PCDH9: variants seen among roughly 807,000 people sequenced by gnomAD.
The protein encoded by PCDH9 is protocadherin-9.
In PCDH9, 24 loss-of-function variants were observed where a neutral mutation model predicts 70.6. The observed-to-expected ratio is 0.34, with a 90% CI of 0.25 to 0.48. PCDH9 has a LOEUF of 0.48. Ranked by LOEUF, PCDH9 falls within the 20% of genes least tolerant of loss-of-function variation. The pLI is 0.99. For synonymous variants in PCDH9, 562 were observed against 558.5 expected (o/e 1.01, Z -0.09); for missense variants, 1,281 against 1,503.6 (o/e 0.85, Z 2.45).
intron 4 of PCDH9, among the ~76,000 whole-genome samples, chr13:66,577,794 A>G (rs1276419918): frequency 6.6e-6 from 1 of 152,058 alleles, no homozygotes; most frequent in African/African-American, 2.4e-5. Flanking sequence ...ACTTTGACTG[A>G]GGATTCAGAT....
At chr13:66,547,395 C>G (rs1961255951) in intron 4 of PCDH9, among the ~76,000 whole-genome samples, 1 of 152,164 alleles carries the variant, frequency 6.6e-6, no homozygotes, top group African/African-American at 2.4e-5. Context: ...TCAACAGAGT[C>G]TATAAGGCAA....
chr13:67,195,180 C>G (rs938679081), intron 2 of PCDH9, among the ~76,000 whole-genome samples: 5 of 150,838 alleles, frequency 3.3e-5, no homozygotes, highest in Admixed American at 6.6e-5. Context: ...GAGTCTCGCT[C>G]TTTCGCCCAG....
chr13:67,110,242 G>A lies in PCDH9; in HGVS notation c.3036+115163C>T, dbSNP rs1276653334. Among the ~76,000 whole-genome samples the A allele has an allele frequency of 5.3e-5, 8 of 151,620 alleles. No homozygotes were observed. In the East Asian group the frequency reaches 1.2e-3, roughly 22 times the overall value. On this transcript the variant is annotated intron_variant, in intron 2 of 4. Coordinates refer to ENST00000377865, the MANE Select transcript of PCDH9 (RefSeq NM_203487.3). ...AAAACAAAAAAAGAGAGAGAGATAC[G>A]GCCGGGTGCAGTGGCTGACACCTGT...
intron 2 of PCDH9, among the ~76,000 whole-genome samples, chr13:66,961,108 A>G (rs767586597): frequency 6.6e-6 from 1 of 152,194 alleles, no homozygotes; most frequent in African/African-American, 2.4e-5. Context: ...TACCATGTCT[A>G]TTTTTTAAAA....
At chr13:66,806,703 A>T (rs1047063697) in intron 3 of PCDH9, among the ~76,000 whole-genome samples, 2 of 152,180 alleles carry the variant, frequency 1.3e-5, no homozygotes, top group Non-Finnish European at 2.9e-5. Flanking sequence ...TAAGTTCGGT[A>T]TGTAAAATTG....
At chr13:67,145,371 AT>A (rs987785846) in intron 2 of PCDH9, among the ~76,000 whole-genome samples, 1 of 151,736 alleles carries the variant, frequency 6.6e-6, no homozygotes, top group Non-Finnish European at 1.5e-5. Flanking sequence ...ACCTTGTCAA[AT>A]TTTTTTTGTT....
At chr13:66,629,218 AG>A (rs2077538059) in intron 4 of PCDH9, among the ~76,000 whole-genome samples, 1 of 152,222 alleles carries the variant, frequency 6.6e-6, no homozygotes. Context: ...TAAACTCTAT[AG>A]ACAAGTCCTA....
At chr13:66,653,286 T>C (rs1328396170) in intron 3 of PCDH9, among the ~76,000 whole-genome samples, 1 of 152,074 alleles carries the variant, frequency 6.6e-6, no homozygotes, top group Non-Finnish European at 1.5e-5. Context: ...AACCAGACTA[T>C]ATAAGGAGCT....
intron 4 of PCDH9, among the ~76,000 whole-genome samples, chr13:66,361,404 A>G (rs979763866): frequency 2.6e-5 from 4 of 152,186 alleles, no homozygotes; most frequent in African/African-American, 9.6e-5. Context: ...ATGCAAATAT[A>G]TCCACAATAA....
chr13:66,729,898 G>T (rs2079050412), intron 3 of PCDH9, among the ~76,000 whole-genome samples: 1 of 152,152 alleles, frequency 6.6e-6, no homozygotes, highest in South Asian at 2.1e-4. Context: ...TGACTTCCCA[G>T]AGTAGACTAT....
At chr13:67,119,049 G>A (rs2086830907) in intron 2 of PCDH9, among the ~76,000 whole-genome samples, 1 of 152,096 alleles carries the variant, frequency 6.6e-6, no homozygotes, top group Non-Finnish European at 1.5e-5. Context: ...GTAAGATCAT[G>A]TTTAGAATAT....
At chr13:66,797,641 A>G (rs2080264399) in intron 3 of PCDH9, among the ~76,000 whole-genome samples, 1 of 152,180 alleles carries the variant, frequency 6.6e-6, no homozygotes, top group South Asian at 2.1e-4. Flanking sequence ...AAATAACTCA[A>G]CGTTAAACCT....
At chr13:66,797,999 AG>A (rs1420795686) in intron 3 of PCDH9, among the ~76,000 whole-genome samples, 3 of 150,874 alleles carry the variant, frequency 2.0e-5, no homozygotes, top group Non-Finnish European at 4.4e-5. Flanking sequence ...AAGGGAGGGA[AG>A]AAAAATAAGA....
chr13:66,365,900 T>C (rs1325354397), intron 4 of PCDH9, among the ~76,000 whole-genome samples: 1 of 152,130 alleles, frequency 6.6e-6, no homozygotes, highest in Non-Finnish European at 1.5e-5. Context: ...ACTGAACAAA[T>C]GAATTGTTTT....
At chr13:67,154,221 A>T (rs2087738690) in intron 2 of PCDH9, among the ~76,000 whole-genome samples, 1 of 151,916 alleles carries the variant, frequency 6.6e-6, no homozygotes. Flanking sequence ...GAGGGGCTGA[A>T]GCAGGTAGAT....
intron 4 of PCDH9, among the ~76,000 whole-genome samples, chr13:66,503,052 T>TG (rs567726051): frequency 2.2e-4 from 33 of 152,120 alleles, no homozygotes; most frequent in African/African-American, 7.9e-4. Context: ...CAGTCCAGGA[T>TG]GGGGGGAGGA....
chr13:66,853,958 C>A (rs1461459047), intron 3 of PCDH9, among the ~76,000 whole-genome samples: 1 of 152,010 alleles, frequency 6.6e-6, no homozygotes, highest in Non-Finnish European at 1.5e-5. Flanking sequence ...TATAGCCTCA[C>A]AAAATATACA....
At chr13:67,030,942 T>C (rs573066461) in intron 2 of PCDH9, among the ~76,000 whole-genome samples, 15 of 152,322 alleles carry the variant, frequency 9.8e-5, no homozygotes, top group Middle Eastern at 3.4e-3. Context: ...TTAGTGACAC[T>C]GATATAGGAA....
Position 66,894,196 on chromosome 13 carries a change from G to A in PCDH9, c.3138+9308C>T, listed in dbSNP as rs190737593. Among the ~76,000 whole-genome samples, 57 of 151,866 alleles carry A rather than the reference G, an allele frequency of 3.8e-4. 1 individual carries two copies. In the East Asian group the frequency reaches 8.3e-3, roughly 22 times the overall value. On this transcript the variant is annotated intron_variant, in intron 3 of 4. Coordinates refer to ENST00000377865, the MANE Select transcript of PCDH9 (RefSeq NM_203487.3). ...ATAAATGACATTTAAAGAGAAGCTC[G>A]TTGCTTACTTCATTCTTTTTAACGA...
Sources: allele counts gnomAD v4.1 joint callset (sites outside exome capture counted in the v4.1 genomes callset), GRCh38; gene constraint gnomAD v4.1.1; transcripts MANE v1.5; gene names NCBI Gene and HGNC (gene_info 2026-07-23, HGNC 2026-07-21).